The following MYOM2 variants were observed in gnomAD, a reference collection of about 807,000 sequenced individuals.
MYOM2 encodes myomesin-2.
A neutral mutation model predicts 187.6 loss-of-function variants in MYOM2; 254 were observed. That is an observed-to-expected ratio of 1.35 (90% CI 1.22 to 1.50). The LOEUF is 1.50. MYOM2 is among the 40% of genes most tolerant of loss of function. The probability of loss-of-function intolerance (pLI) is 0.00; values close to 1 mark genes in which losing one functional copy is unlikely to be tolerated. For synonymous variants in MYOM2, 981 were observed against 753.8 expected, an observed-to-expected ratio of 1.30 and a Z score of -4.94; for missense variants, 2,796 against 1,924.0, an observed-to-expected ratio of 1.45 and a Z score of -8.48.
intron 15 of MYOM2, among the ~76,000 whole-genome samples, chr8:2,091,895 C>G (rs1796315895): frequency 6.6e-6 from 1 of 152,212 alleles, no homozygotes; most frequent in South Asian, 2.1e-4. Context: ...GGCCTGGCAC[C>G]ACATGACAGG....
chr8:2,085,208 T>C (rs1819769713), intron 13 of MYOM2, 55 bp from the exon 14 acceptor site: 2 of 1,590,254 alleles, frequency 1.3e-6, no homozygotes, highest in Non-Finnish European at 1.7e-6. Context: ...CGAGGTGGGC[T>C]GCAGCGAGGC....
chr8:2,137,860 G>A (rs923950370), intron 32 of MYOM2, among the ~76,000 whole-genome samples: 1 of 152,156 alleles, frequency 6.6e-6, no homozygotes, highest in Non-Finnish European at 1.5e-5. Flanking sequence ...TCTTAATCAA[G>A]CTGTGATGTC....
intron 25 of MYOM2, among the ~76,000 whole-genome samples, chr8:2,112,399 G>A (rs369340082): frequency 2.0e-5 from 3 of 151,944 alleles, no homozygotes; most frequent in Non-Finnish European, 2.9e-5. Context: ...CATGGGTCGG[G>A]GGGTGGGGGT....
intron 35 of MYOM2, 66 bp from the exon 36 acceptor site, chr8:2,143,335 C>T (rs1208372396): frequency 1.3e-6 from 2 of 1,585,460 alleles, no homozygotes; most frequent in African/African-American, 1.3e-5. Context: ...CTGCTGCTTA[C>T]ATGGCTCCTG....
intron 10 of MYOM2, among the ~76,000 whole-genome samples, chr8:2,074,034 C>G (rs1032278224): frequency 6.6e-6 from 1 of 152,182 alleles, no homozygotes; most frequent in Non-Finnish European, 1.5e-5. Context: ...TCACCAGACG[C>G]TTTATGTCAG....
At chr8:2,119,766 C>T (rs1233656203) in intron 28 of MYOM2, among the ~76,000 whole-genome samples, 1 of 151,900 alleles carries the variant, frequency 6.6e-6, no homozygotes, top group African/African-American at 2.4e-5. Flanking sequence ...AAGGGGAGCA[C>T]ATGGGGACAC....
rs1796723374 is a variant in MYOM2, at chr8:2,101,928, CAGGTGTAAGG to C, written c.2620-737_2620-728del. The C allele has an allele frequency of 2.0e-5, 3 of 152,372 alleles. No homozygotes were observed. The South Asian group carries it at 6.2e-4, about 32-fold the overall frequency. The allele number at this position is 152,372 out of a possible 1,614,324, so 9.4% of individuals were successfully genotyped here. ...ACTTGCGGTTCCTCAGTGACTGGGT[CAGGTGTAAGG>C]ACTGAGCCCCAGGAGGCCTACATGC... On this transcript the variant is annotated intron_variant, in intron 20 of 36. Transcript: ENST00000262113.
intron 18 of MYOM2, among the ~76,000 whole-genome samples, chr8:2,097,409 T>G (rs183113189): frequency 6.6e-6 from 1 of 152,358 alleles, no homozygotes; most frequent in Non-Finnish European, 1.5e-5. Context: ...GATATTTTAA[T>G]ATATGTTTGC....
rs1818853214 is a variant in MYOM2 at position 2,061,591 on chromosome 8, GT to G, written c.653+2347del. Among the ~76,000 whole-genome samples the G allele has an allele frequency of 2.6e-5, 4 of 152,058 alleles. No homozygotes were observed. The South Asian group carries it at 8.3e-4, about 32-fold the overall frequency. ...GTGGTGCCCCTCCCCGAGTCAGGGG[GT>G]CCACCAGCTCCTCTGTGTGTGGGAC... is the stretch of plus-strand genomic sequence containing the variant. On this transcript the variant is annotated intron_variant, in intron 6 of 36. Coordinates refer to ENST00000262113, the MANE Select transcript of MYOM2 (RefSeq NM_003970.4).
chr8:2,123,731 C>A, intron 30 of MYOM2, 89 bp downstream of exon 30: 1 of 1,103,668 alleles, frequency 9.1e-7, no homozygotes, highest in Middle Eastern at 2.0e-4. Flanking sequence ...TATGTCTAGC[C>A]TCAGCTATAG....
At chr8:2,128,049 A>G (rs866163447) in intron 31 of MYOM2, among the ~76,000 whole-genome samples, 1 of 152,124 alleles carries the variant, frequency 6.6e-6, no homozygotes, top group Non-Finnish European at 1.5e-5. Context: ...TCTTTGTTTT[A>G]TATAGATGTT....
intron 16 of MYOM2, among the ~76,000 whole-genome samples, 183 bp downstream of exon 16, chr8:2,092,703 C>A (rs533562060): frequency 6.6e-6 from 1 of 152,316 alleles, no homozygotes; most frequent in African/African-American, 2.4e-5. Context: ...CTAGTTACTG[C>A]ACTTGCTCAT....
intron 11 of MYOM2, 99 bp from the exon 12 acceptor site, chr8:2,078,635 C>T (rs1417448485): frequency 9.3e-6 from 10 of 1,072,796 alleles, no homozygotes; most frequent in Non-Finnish European, 1.3e-5. Context: ...AGATATTGTC[C>T]TGTTATAATC....
At chr8:2,134,508 G>T (rs780530519) in intron 32 of MYOM2, among the ~76,000 whole-genome samples, 9 of 116,792 alleles carry the variant, frequency 7.7e-5, no homozygotes, top group Non-Finnish European at 1.3e-4. Flanking sequence ...TTGTCCCTCC[G>T]CAGACCTGTG....
At chr8:2,117,809 A>G (rs1361607217) in intron 27 of MYOM2, 76 bp from the exon 28 acceptor site, 5 of 905,606 alleles carry the variant, frequency 5.5e-6, no homozygotes, top group East Asian at 2.6e-5. Context: ...GTGTGGGTAT[A>G]TATATATAAT....
intron 30 of MYOM2, among the ~76,000 whole-genome samples, chr8:2,123,977 G>A (rs956166035): frequency 2.6e-5 from 4 of 152,186 alleles, no homozygotes; most frequent in African/African-American, 7.2e-5. Context: ...TGAGTAAAAC[G>A]TTCTTGATCC....
intron 5 of MYOM2, 103 bp downstream of exon 5, chr8:2,057,883 C>T: frequency 8.0e-7 from 1 of 1,244,616 alleles, no homozygotes; most frequent in Admixed American, 2.6e-5. Flanking sequence ...TGCTGGAGGC[C>T]ACTTACCTTG....
At chr8:2,071,618 C>G (rs1160660089) in intron 8 of MYOM2, among the ~76,000 whole-genome samples, 3 of 152,186 alleles carry the variant, frequency 2.0e-5, no homozygotes, top group African/African-American at 7.2e-5. Flanking sequence ...CGATCAGGTT[C>G]TCAGCCCTGC....
intron 21 of MYOM2, among the ~76,000 whole-genome samples, chr8:2,103,173 G>T (rs1796770648): frequency 1.3e-5 from 2 of 151,402 alleles, no homozygotes; most frequent in South Asian, 2.1e-4. Context: ...TGTATTGTGT[G>T]TATGGATGGA....
Sources: allele counts gnomAD v4.1 joint callset (sites outside exome capture counted in the v4.1 genomes callset), GRCh38; gene constraint gnomAD v4.1.1; transcripts MANE v1.5; gene names NCBI Gene and HGNC (gene_info 2026-07-23, HGNC 2026-07-21).